The following ADAMTS2 variants were observed in gnomAD, a reference collection of about 807,000 sequenced individuals.
The protein encoded by ADAMTS2 is A disintegrin and metalloproteinase with thrombospondin motifs 2.
In ADAMTS2, 50 loss-of-function variants were observed where a neutral mutation model predicts 123.0. The ratio of observed to expected loss-of-function variants is 0.41; its 90% CI spans 0.32 to 0.51. The LOEUF (loss-of-function observed/expected upper bound fraction) is 0.51, where lower values mean the gene tolerates loss of function less well. Among genes scored for constraint, ADAMTS2 ranks in the 20% least tolerant of loss-of-function variants. The pLI is 0.35. For missense variants in ADAMTS2, 1,494 were observed against 1,705.2 expected, an observed-to-expected ratio of 0.88 and a Z score of 2.18; for synonymous variants, 678 against 695.4, an observed-to-expected ratio of 0.98 and a Z score of 0.39.
intron 20 of ADAMTS2, 160 bp from the exon 21 acceptor site, chr5:179,121,910 A>AC (rs1410611946): frequency 3.7e-5 from 18 of 481,034 alleles, no homozygotes; most frequent in Non-Finnish European, 6.2e-5. Context: ...GTCCACGCCC[A>AC]CCTCCTGCCC....
At chr5:179,153,961 C>T (rs1763416378) in intron 8 of ADAMTS2, 88 bp downstream of exon 8, 3 of 1,519,778 alleles carry the variant, frequency 2.0e-6, no homozygotes, top group African/African-American at 2.7e-5. Flanking sequence ...TCGGAGGGCT[C>T]TGGCTCTGGT....
In ADAMTS2 at chr5:179,317,212, T is replaced by G. The variant is rs570219612; in HGVS notation, c.534+26555A>C. Among the ~76,000 whole-genome samples the G allele has an allele frequency of 2.0e-4, 30 of 152,260 alleles. 1 individual carries two copies. The highest frequency in any genetic ancestry group is 1.7e-3 in the Admixed American group (26 of 15,288). Reference sequence around the variant, plus strand: ...TCTGAGCATCCTTTTCCTCAGCACTTTGGCGTCTTTCCTCCCAGTGGTTTC... The same window carrying G: ...TCTGAGCATCCTTTTCCTCAGCACTGTGGCGTCTTTCCTCCCAGTGGTTTC... On this transcript the variant is annotated intron_variant, in intron 2 of 21. Coordinates refer to ENST00000251582, the MANE Select transcript of ADAMTS2 (RefSeq NM_014244.5). The surrounding 1 kb of genome is among the most constrained non-coding windows in gnomAD (Gnocchi z 4.9).
intron 3 of ADAMTS2, among the ~76,000 whole-genome samples, chr5:179,227,593 C>G (rs573157611): frequency 6.6e-6 from 1 of 152,258 alleles, no homozygotes; most frequent in African/African-American, 2.4e-5. Flanking sequence ...TGAGCAGGAC[C>G]AGCATCCCCT....
chr5:179,178,578 T>A (rs1282063228), intron 5 of ADAMTS2, among the ~76,000 whole-genome samples: 1 of 152,250 alleles, frequency 6.6e-6, no homozygotes, highest in Admixed American at 6.5e-5. Context: ...TCACATTACA[T>A]ATACTCTTTC....
chr5:179,190,468 G>A (rs149016394), intron 4 of ADAMTS2, among the ~76,000 whole-genome samples: 1 of 89,662 alleles, frequency 1.1e-5, no homozygotes, highest in East Asian at 2.3e-4. Context: ...GAGAAAAACA[G>A]GTATTAAAGG....
At chr5:179,212,000 G>A (rs1764864195) in intron 3 of ADAMTS2, among the ~76,000 whole-genome samples, 1 of 152,242 alleles carries the variant, frequency 6.6e-6, no homozygotes, top group South Asian at 2.1e-4. Context: ...AGGAGGAGTG[G>A]GCACGCGCCC....
At position 179,242,556 on chromosome 5, in the gene ADAMTS2, C is replaced by T. The variant is rs573011836; in HGVS notation, c.688+30355G>A. 2.5e-4 allele frequency among the ~76,000 whole-genome samples: 38 copies of T among 152,266 alleles called. No homozygotes were observed. Among genetic ancestry groups the T allele is most frequent in the African/African-American group, 8.7e-4 (36 of 41,544 alleles). ...AAGTCTCTAGAAATTATCCTAAGAG[C>T]ACACAACAAACTAAGCAACATCATC... is the stretch of plus-strand genomic sequence containing the variant. On this transcript the variant is annotated intron_variant, in intron 3 of 21. Transcript: ENST00000251582. The surrounding 1 kb of genome is among the most constrained non-coding windows in gnomAD (Gnocchi z 4.2).
At chr5:179,201,298 T>G (rs904278701) in intron 4 of ADAMTS2, among the ~76,000 whole-genome samples, 1 of 152,192 alleles carries the variant, frequency 6.6e-6, no homozygotes, top group Admixed American at 6.5e-5. Context: ...CGTGATACAG[T>G]TAGTGGCATG....
At chr5:179,333,608 T>TG (rs1022851484) in intron 2 of ADAMTS2, among the ~76,000 whole-genome samples, 4 of 148,536 alleles carry the variant, frequency 2.7e-5, no homozygotes, top group Admixed American at 6.7e-5. Context: ...TTTTTTTTTT[T>TG]TTTTTTTTTT....
intron 2 of ADAMTS2, among the ~76,000 whole-genome samples, chr5:179,341,543 TAAAAAAAAAA>T (rs1757773697): frequency 6.7e-6 from 1 of 148,282 alleles, no homozygotes; most frequent in South Asian, 2.1e-4. Context: ...TACTAAAAAT[TAAAAAAAAAA>T]TAAAAAAAAA....
chr5:179,197,100 C>T lies in ADAMTS2; in HGVS notation c.891+10413G>A, dbSNP rs2279979. Among the ~76,000 whole-genome samples, 27,129 of 152,184 alleles carry T rather than the reference C, an allele frequency of 0.18. 4,472 individuals carry two copies. Among genetic ancestry groups the T allele is most frequent in the African/African-American group, 0.4 (16,751 of 41,484 alleles). ...AAAGGGGCCACTTCAGGGGGAGATG[C>T]CTTACATCTGTCTGGTGGCCTCTGG... On this transcript the variant is annotated intron_variant, in intron 4 of 21. Coordinates refer to ENST00000251582, the MANE Select transcript of ADAMTS2 (RefSeq NM_014244.5). The surrounding 1 kb of genome is among the most constrained non-coding windows in gnomAD (Gnocchi z 4.2).
rs759954552 is a variant in ADAMTS2, at chr5:179,344,168, C to T, written c.140-7G>A. On this transcript the variant is annotated splice_polypyrimidine_tract_variant and splice_region_variant and intron_variant, in intron 1 of 21. Transcript: ENST00000251582. Reference sequence around the variant, plus strand: ...CCGTGCCCCAGGGGCCCGCCTGCAACGGGAAGGGGCGTTAGATCGGCGGAG... The same window carrying T: ...CCGTGCCCCAGGGGCCCGCCTGCAATGGGAAGGGGCGTTAGATCGGCGGAG... The T allele has an allele frequency of 6.3e-7, 1 of 1,591,934 alleles. No homozygotes were observed.
rs149413119 is a variant in ADAMTS2, at chr5:179,226,126, G to T, written c.689-18411C>A. Among the ~76,000 whole-genome samples, 344 of 152,276 alleles carry T rather than the reference G, an allele frequency of 2.3e-3. 2 individuals are homozygous for T. The highest frequency in any genetic ancestry group is 4.9e-3 in the African/African-American group (202 of 41,564). On this transcript the variant is annotated intron_variant, in intron 3 of 21. Coordinates refer to ENST00000251582, the MANE Select transcript of ADAMTS2 (RefSeq NM_014244.5). ...AGCACGCCCTGCGAGGAGGACAAGA[G>T]AACTTCTCTCATTTCAATATGAGGG... is the stretch of plus-strand genomic sequence containing the variant.
chr5:179,207,767 A>G, intron 3 of ADAMTS2, 52 bp from the exon 4 acceptor site: 1 of 1,551,964 alleles, frequency 6.4e-7, no homozygotes. Context: ...ACCCGGACAC[A>G]AACCTACCAG....
rs1172839770 is a variant in ADAMTS2 at position 179,338,226 on chromosome 5, C to T, written c.534+5541G>A. 5.9e-5 allele frequency among the ~76,000 whole-genome samples: 9 copies of T among 152,300 alleles called. No individual in the cohort carries two copies. The East Asian group carries it at 9.7e-4, about 16-fold the overall frequency. The stretch of plus-strand genomic sequence containing the variant: ...GGGGCTGGGAGCCGGCTCCACTCTG[C>T]CCCTCCCTAAAGGATTCCAGGAGAG... On this transcript the variant is annotated intron_variant, in intron 2 of 21. Transcript: ENST00000251582.
At chr5:179,135,046 CCG>C in intron 13 of ADAMTS2, among the ~76,000 whole-genome samples, 2 of 117,238 alleles carry the variant, frequency 1.7e-5, no homozygotes, top group African/African-American at 6.4e-5. Context: ...CCCCCAGCTC[CCG>C]GCTCCAGCTC....
intron 4 of ADAMTS2, among the ~76,000 whole-genome samples, chr5:179,199,061 C>T (rs1272859970): frequency 6.6e-6 from 1 of 152,072 alleles, no homozygotes; most frequent in Non-Finnish European, 1.5e-5. Flanking sequence ...GCAGGTGTTC[C>T]CTCAGGCTAT....
At position 179,135,981 on chromosome 5, in the gene ADAMTS2, C is replaced by A. The variant is rs775973774; in HGVS notation, c.2013G>T (p.Lys671Asn). The A allele has an allele frequency of 3.1e-6, 5 of 1,613,338 alleles. No individual in the cohort carries two copies. In the African/African-American group the frequency reaches 6.7e-5, roughly 22 times the overall value. Residue 671 changes from lysine (K) to asparagine (N), a missense_variant, in exon 13 of 22, where the codon AAG becomes AAT. Lys to Asn is a moderately conservative substitution (Grantham distance 94). Coordinates refer to ENST00000251582, the MANE Select transcript of ADAMTS2 (RefSeq NM_014244.5). ...AGCGCGTCCCGTCATGCACCATGCG[C>A]TTCATGGACACCACCTCCCCGGTCT... ...SRETGEVVSM[K>N]RMVHDGTRCS...
At chr5:179,267,206 G>A (rs557945109) in intron 3 of ADAMTS2, among the ~76,000 whole-genome samples, 7 of 152,312 alleles carry the variant, frequency 4.6e-5, no homozygotes, top group Admixed American at 4.6e-4. Context: ...GGTGGAGACT[G>A]TGGGTCAGGA....
Sources: allele counts gnomAD v4.1 joint callset (sites outside exome capture counted in the v4.1 genomes callset), GRCh38; gene constraint gnomAD v4.1.1; non-coding constraint Gnocchi (gnomAD v3.1); transcripts MANE v1.5; gene names NCBI Gene and HGNC (gene_info 2026-07-23, HGNC 2026-07-21).